GTF2A1: variants seen among roughly 807,000 people sequenced by gnomAD.
GTF2A1 encodes transcription initiation factor IIA subunit 1.
In GTF2A1, 12 loss-of-function variants were observed where a neutral mutation model predicts 54.1. The ratio of observed to expected loss-of-function variants is 0.22; its 90% confidence interval spans 0.14 to 0.36. GTF2A1 has a LOEUF of 0.36. GTF2A1 is among the 10% of genes least tolerant of loss of function. The pLI is 1.00. For missense variants in GTF2A1, 335 were observed against 442.2 expected, an observed-to-expected ratio of 0.76 and a Z score of 2.17; for synonymous variants, 145 against 152.0, an observed-to-expected ratio of 0.95 and a Z score of 0.34.
In GTF2A1 at chr14:81,200,349, C is replaced by T. The variant is rs540303053; in HGVS notation, c.402+1245G>A. Among the ~76,000 whole-genome samples the T allele has an allele frequency of 7.4e-4, 112 of 152,124 alleles. 1 individual carries two copies. In the South Asian group the frequency reaches 0.01, roughly 14 times the overall value. ...GTTTAAAAAAAAACTTGAGGCTGGG[C>T]GTGGTGGCTCACACCTGTAATCCTA... On this transcript the variant is annotated intron_variant, in intron 4 of 8. Coordinates refer to ENST00000553612, the MANE Select transcript of GTF2A1 (RefSeq NM_015859.4).
intron 7 of GTF2A1, among the ~76,000 whole-genome samples, chr14:81,187,682 C>A (rs964604334): frequency 6.6e-6 from 1 of 152,156 alleles, no homozygotes; most frequent in Non-Finnish European, 1.5e-5. Context: ...GTAGCATATA[C>A]GAATACTTCA....
chr14:81,177,913 G>T lies in GTF2A1; in HGVS notation c.*2310C>A, dbSNP rs1892561375. 6.6e-6 allele frequency: 1 copy of T among 152,116 alleles called. No homozygotes were observed. The highest frequency in any genetic ancestry group is 6.5e-5 in the Admixed American group (1 of 15,268). The allele number at this position is 152,116 out of a possible 1,614,324, so 9.4% of individuals were successfully genotyped here. ...AGAGCACAATTTGGTATGCAATGTA[G>T]CTTGGACCAGCTTTCAGAATTTTCA... On this transcript the variant is annotated 3_prime_UTR_variant, in exon 9 of 9. Transcript: ENST00000553612.
At chr14:81,180,612 C>T (rs772127220) in intron 8 of GTF2A1, among the ~76,000 whole-genome samples, 14 of 151,936 alleles carry the variant, frequency 9.2e-5, no homozygotes, top group Non-Finnish European at 1.0e-4. Context: ...AAATTGGTTT[C>T]TTAATAAAGT....
At chr14:81,194,844 G>C (rs1892955028) in intron 6 of GTF2A1, among the ~76,000 whole-genome samples, 1 of 152,168 alleles carries the variant, frequency 6.6e-6, no homozygotes, top group Admixed American at 6.5e-5. Flanking sequence ...AAAAGTTTTA[G>C]GATTTTTAGA....
At chr14:81,213,845 T>TG (rs1241560784) in intron 2 of GTF2A1, among the ~76,000 whole-genome samples, 1 of 149,076 alleles carries the variant, frequency 6.7e-6, no homozygotes, top group African/African-American at 2.6e-5. Context: ...TGGGTTTTTC[T>TG]GTTTTTTTTT....
chr14:81,175,818 C>T lies in GTF2A1; in HGVS notation c.*4405G>A, dbSNP rs1892514760. On this transcript the variant is annotated 3_prime_UTR_variant, in exon 9 of 9. Transcript: ENST00000553612. Reference sequence around the variant, plus strand: ...CAATATGTTAATTATTAATATTTCACAAGGAGTAATCTTTATTTTGAAAAA... The same window carrying T: ...CAATATGTTAATTATTAATATTTCATAAGGAGTAATCTTTATTTTGAAAAA... 1.3e-5 allele frequency: 2 copies of T among 152,194 alleles called. No individual in the cohort carries two copies. Among genetic ancestry groups the T allele is most frequent in the Admixed American group, 1.3e-4 (2 of 15,294 alleles). The allele number at this position is 152,194 out of a possible 1,614,324, so 9.4% of individuals were successfully genotyped here.
At position 81,177,921 on chromosome 14, in the gene GTF2A1, CA is replaced by C. The variant is rs1655404285; in HGVS notation, c.*2301del. 6.6e-6 allele frequency: 1 copy of C among 152,086 alleles called. No homozygotes were observed. The highest frequency in any genetic ancestry group is 2.4e-5 in the African/African-American group (1 of 41,418). The allele number at this position is 152,086 out of a possible 1,614,324, so 9.4% of individuals were successfully genotyped here. On this transcript the variant is annotated 3_prime_UTR_variant, in exon 9 of 9. Coordinates refer to ENST00000553612, the MANE Select transcript of GTF2A1 (RefSeq NM_015859.4). ...ATTTGGTATGCAATGTAGCTTGGAC[CA>C]GCTTTCAGAATTTTCACAGGTAAAA...
At position 81,179,400 on chromosome 14, in the gene GTF2A1, T is replaced by TA. The variant is rs1306220334; in HGVS notation, c.*822dup. 5.3e-5 allele frequency: 8 copies of TA among 152,216 alleles called. No homozygotes were observed. The highest frequency in any genetic ancestry group is 1.0e-4 in the Non-Finnish European group (7 of 68,030). The allele number at this position is 152,216 out of a possible 1,614,324, so 9.4% of individuals were successfully genotyped here. A position where few individuals can be genotyped will look rare whatever the true frequency, so the allele number is the denominator to read the frequency against. On this transcript the variant is annotated 3_prime_UTR_variant, in exon 9 of 9. Transcript: ENST00000553612. ...TCAGCTAGATGGTATGCTTGCAAAATAAAACTATATTCCTGAGGAGCTAGT... is the reference window on the plus strand; with the variant it reads ...TCAGCTAGATGGTATGCTTGCAAAATAAAAACTATATTCCTGAGGAGCTAGT...
Position 81,177,942 on chromosome 14 carries a change from G to C in GTF2A1, c.*2281C>G, listed in dbSNP as rs1892561716. ...GGACCAGCTTTCAGAATTTTCACAG[G>C]TAAAAGAAAAGCATTTGCCAAGTAT... On this transcript the variant is annotated 3_prime_UTR_variant, in exon 9 of 9. Coordinates refer to ENST00000553612, the MANE Select transcript of GTF2A1 (RefSeq NM_015859.4). The C allele has an allele frequency of 6.6e-6, 1 of 151,992 alleles. No individual in the cohort carries two copies. The highest frequency in any genetic ancestry group is 2.4e-5 in the African/African-American group (1 of 41,386). 9.4% of individuals were successfully genotyped at this position (151,992 alleles called of 1,614,324 possible). A position where few individuals can be genotyped will look rare whatever the true frequency, so the allele number is the denominator to read the frequency against.
chr14:81,209,868 A>C, intron 2 of GTF2A1: 1 of 1,227,038 alleles, frequency 8.1e-7, no homozygotes, highest in Non-Finnish European at 1.1e-6. Context: ...TTTTGTACTT[A>C]CCACACAAAG....
At chr14:81,181,797 C>T (rs1312092439) in intron 8 of GTF2A1, among the ~76,000 whole-genome samples, 1 of 152,176 alleles carries the variant, frequency 6.6e-6, no homozygotes, top group Non-Finnish European at 1.5e-5. Flanking sequence ...CCACCTCGGC[C>T]TCCCAAAGTG....
intron 7 of GTF2A1, among the ~76,000 whole-genome samples, chr14:81,187,666 C>G (rs1428130326): frequency 1.3e-5 from 2 of 152,164 alleles, no homozygotes; most frequent in African/African-American, 4.8e-5. Context: ...AAGGTTCATC[C>G]ATGTTGTAGC....
chr14:81,201,241 A>G (rs1353458902), intron 4 of GTF2A1, among the ~76,000 whole-genome samples: 1 of 152,158 alleles, frequency 6.6e-6, no homozygotes, highest in Non-Finnish European at 1.5e-5. Flanking sequence ...TTAAAAGTTC[A>G]CAATTCTTAG....
At chr14:81,202,373 T>C (rs1422968104) in intron 3 of GTF2A1, among the ~76,000 whole-genome samples, 2 of 152,202 alleles carry the variant, frequency 1.3e-5, no homozygotes, top group Admixed American at 6.5e-5. Context: ...GAAATCTACA[T>C]AGTCCTTTTC....
chr14:81,218,978 T>C (rs1051009224), intron 1 of GTF2A1, among the ~76,000 whole-genome samples: 2 of 152,012 alleles, frequency 1.3e-5, no homozygotes, highest in Non-Finnish European at 2.9e-5. Context: ...CATTATTTCC[T>C]GAATACTTGA....
intron 6 of GTF2A1, among the ~76,000 whole-genome samples, chr14:81,194,773 A>G (rs953134531): frequency 3.3e-5 from 5 of 152,206 alleles, no homozygotes; most frequent in African/African-American, 1.2e-4. Flanking sequence ...GATCCACAAA[A>G]AGATTTTATA....
At chr14:81,187,401 T>C (rs1441406180) in intron 7 of GTF2A1, among the ~76,000 whole-genome samples, 2 of 151,944 alleles carry the variant, frequency 1.3e-5, no homozygotes, top group Non-Finnish European at 2.9e-5. Flanking sequence ...GTTAACAACA[T>C]TCACTATTTT....
At chr14:81,197,198 T>TCC in intron 5 of GTF2A1, 1 of 460,430 alleles carries the variant, frequency 2.2e-6, no homozygotes, top group Non-Finnish European at 4.0e-6. Context: ...GATCAAAGGT[T>TCC]CAAGTACAAT....
At chr14:81,221,360 G>C (rs1283099949), upstream of GTF2A1, 1 of 143,916 alleles carries the variant, frequency 6.9e-6, no homozygotes, top group Non-Finnish European at 1.6e-5. Flanking sequence ...GGTGCCTACT[G>C]CCTCGCTAGG....
Sources: gnomAD v4.1 joint callset for allele counts (sites outside exome capture counted in the v4.1 genomes callset) on GRCh38, gnomAD v4.1.1 for gene constraint, MANE v1.5 for transcripts, NCBI Gene and HGNC (gene_info 2026-07-23, HGNC 2026-07-21) for gene names.